TULP4: variants seen among roughly 807,000 people sequenced by gnomAD.
The protein encoded by TULP4 is TUB like protein 4.
Under a neutral mutation model 129.0 loss-of-function variants are expected in TULP4, and 16 were observed. The observed-to-expected ratio is 0.12, with a 90% CI of 0.08 to 0.19. The LOEUF is 0.19. Ranked by LOEUF, TULP4 falls within the 10% of genes least tolerant of loss-of-function variation. TULP4 has a pLI of 1.00. For synonymous variants in TULP4, 998 were observed against 854.0 expected (o/e 1.17, Z -2.94); for missense variants, 1,842 against 2,059.1 (o/e 0.89, Z 2.04).
chr6:158,408,322 T>G (rs943702234), intron 1 of TULP4, among the ~76,000 whole-genome samples: 4 of 151,794 alleles, frequency 2.6e-5, no homozygotes, highest in African/African-American at 7.3e-5. Flanking sequence ...AGTTACAGAG[T>G]TGGGTAAGGG....
intron 1 of TULP4, chr6:158,282,870 G>A (rs9459924): frequency 0.17 from 26,261 of 151,888 alleles, 2,706 homozygotes; most frequent in Middle Eastern, 0.24. Context: ...GGCTGGGTGC[G>A]GTGGCTCACA....
At position 158,508,935 on chromosome 6, in the gene TULP4, T is replaced by A. The variant is rs1019376355; in HGVS notation, c.*2241T>A. The A allele has an allele frequency of 1.6e-5, 2 of 125,590 alleles. No individual in the cohort carries two copies. The highest frequency in any genetic ancestry group is 1.9e-4 in the Admixed American group (2 of 10,346). The allele number at this position is 125,590 out of a possible 1,614,324, so 7.8% of individuals were successfully genotyped here. ...CGGAGTCCCACTCTTGTCGCCCAAC[T>A]AGAGTGTAGTGGCACAATCTCGGCT... On this transcript the variant is annotated 3_prime_UTR_variant, in exon 14 of 14. Coordinates refer to ENST00000367097, the MANE Select transcript of TULP4 (RefSeq NM_020245.5).
chr6:158,274,530 A>G (rs1322306388), intron 1 of TULP4, among the ~76,000 whole-genome samples: 1 of 151,780 alleles, frequency 6.6e-6, no homozygotes, highest in African/African-American at 2.4e-5. Flanking sequence ...TAGTCCCAGC[A>G]CTTTGGGAGG....
At chr6:158,354,229 G>C (rs1323818949) in intron 1 of TULP4, among the ~76,000 whole-genome samples, 1 of 150,324 alleles carries the variant, frequency 6.7e-6, no homozygotes, top group African/African-American at 2.5e-5. Context: ...TAATAATTTT[G>C]GTTGACGGAA....
upstream of TULP4, chr6:158,312,428 C>T (rs914495499): frequency 7.5e-6 from 2 of 266,366 alleles, no homozygotes; most frequent in Admixed American, 1.1e-4. Flanking sequence ...AAAGAAGGAA[C>T]TAAGTGAGAA....
chr6:158,414,252 T>G (rs553988191), intron 2 of TULP4, among the ~76,000 whole-genome samples: 1 of 152,330 alleles, frequency 6.6e-6, no homozygotes, highest in East Asian at 1.9e-4. Context: ...TCAGGCTCCT[T>G]CAGAGCCTGC....
At chr6:158,480,047 C>G in intron 7 of TULP4, 72 bp downstream of exon 7, 1 of 1,270,690 alleles carries the variant, frequency 7.9e-7, no homozygotes, top group Non-Finnish European at 1.1e-6. Context: ...AGGGCAGAGA[C>G]AGGTGAGGGT....
chr6:158,385,842 C>CTTTTTTTTTTTTTTTTTTTTTTTTTTTT lies in TULP4; in HGVS notation c.253-27203_253-27202insTTTTTTTTTTTTTTTTTTTTTTTTTTTT, dbSNP rs778595442. The stretch of plus-strand genomic sequence containing the variant: ...GGAAAAGTCTACAAATGTGGAATAT[C>CTTTTTTTTTTTTTTTTTTTTTTTTTTTT]TTTTTTTTTTTTTTTTTTTTGAGAA... On this transcript the variant is annotated intron_variant, in intron 1 of 13. Coordinates refer to ENST00000367097, the MANE Select transcript of TULP4 (RefSeq NM_020245.5). Among the ~76,000 whole-genome samples, 25 of 59,586 alleles carry CTTTTTTTTTTTTTTTTTTTTTTTTTTTT rather than the reference C, an allele frequency of 4.2e-4. 6 individuals carry two copies. The highest frequency in any genetic ancestry group is 5.5e-4 in the Non-Finnish European group (18 of 32,834). 39.1% of individuals were successfully genotyped at this position (59,586 alleles called of 152,430 possible). A position where few individuals can be genotyped will look rare whatever the true frequency, so the allele number is the denominator to read the frequency against.
intron 6 of TULP4, among the ~76,000 whole-genome samples, chr6:158,468,058 G>A (rs1779593259): frequency 6.6e-6 from 1 of 152,224 alleles, no homozygotes; most frequent in Non-Finnish European, 1.5e-5. Flanking sequence ...TGCTTTGCCA[G>A]TCCAGCTGTG....
At chr6:158,414,208 T>C (rs1305235898) in intron 2 of TULP4, among the ~76,000 whole-genome samples, 1 of 152,218 alleles carries the variant, frequency 6.6e-6, no homozygotes, top group East Asian at 1.9e-4. Flanking sequence ...AATGTAATAA[T>C]ATTGACTGAC....
intron 9 of TULP4, among the ~76,000 whole-genome samples, chr6:158,492,290 A>G (rs574168120): frequency 1.6e-4 from 25 of 152,316 alleles, no homozygotes; most frequent in African/African-American, 5.8e-4. Flanking sequence ...ACCTAAGGTC[A>G]TGAAGCCTTT....
chr6:158,278,115 T>C (rs1290366465), upstream of TULP4, among the ~76,000 whole-genome samples: 1 of 152,212 alleles, frequency 6.6e-6, no homozygotes, highest in East Asian at 1.9e-4. Flanking sequence ...ACGGAATAAC[T>C]GGGCTTCAAG....
chr6:158,417,895 T>C (rs1474007340), intron 2 of TULP4, among the ~76,000 whole-genome samples: 1 of 152,104 alleles, frequency 6.6e-6, no homozygotes, highest in East Asian at 1.9e-4. Flanking sequence ...TATTTTACAG[T>C]ATTAGTCACC....
At chr6:158,350,964 G>T (rs1780503522) in intron 1 of TULP4, among the ~76,000 whole-genome samples, 1 of 152,056 alleles carries the variant, frequency 6.6e-6, no homozygotes, top group Admixed American at 6.5e-5. Flanking sequence ...ATGTTGGCCA[G>T]GCTGGTCTTG....
intron 3 of TULP4, among the ~76,000 whole-genome samples, chr6:158,442,605 T>C (rs925194257): frequency 6.6e-6 from 1 of 152,166 alleles, no homozygotes; most frequent in Admixed American, 6.5e-5. Flanking sequence ...AAAGAGCCGA[T>C]ATAGGGCTAT....
intron 1 of TULP4, among the ~76,000 whole-genome samples, chr6:158,264,913 G>T (rs1168060545): frequency 3.9e-5 from 6 of 152,214 alleles, no homozygotes; most frequent in Non-Finnish European, 8.8e-5. Context: ...GGGATTCTCT[G>T]TGCCTTCAAA....
chr6:158,310,819 C>T (rs1779333842), upstream of TULP4, among the ~76,000 whole-genome samples: 1 of 152,182 alleles, frequency 6.6e-6, no homozygotes, highest in South Asian at 2.1e-4. Flanking sequence ...CATGGTGCTT[C>T]AGTAGTCCAC....
intron 1 of TULP4, among the ~76,000 whole-genome samples, chr6:158,396,994 C>T (rs1025972084): frequency 2.0e-5 from 3 of 152,070 alleles, no homozygotes; most frequent in African/African-American, 7.2e-5. Flanking sequence ...ATAGCTGATG[C>T]AGTTATGGAA....
At chr6:158,385,727 T>TG (rs1322262382) in intron 1 of TULP4, among the ~76,000 whole-genome samples, 1 of 149,724 alleles carries the variant, frequency 6.7e-6, no homozygotes, top group African/African-American at 2.4e-5. Flanking sequence ...TCCTGGGTTT[T>TG]TTTTTTTTAA....
Sources: allele counts gnomAD v4.1 joint callset (sites outside exome capture counted in the v4.1 genomes callset), GRCh38; gene constraint gnomAD v4.1.1; transcripts MANE v1.5; gene names NCBI Gene and HGNC (gene_info 2026-07-23, HGNC 2026-07-21).